Variants in ACSS3 observed in about 807,000 individuals in gnomAD.
ACSS3 encodes acyl-CoA synthetase short-chain family member 3, mitochondrial.
A neutral mutation model predicts 84.2 loss-of-function variants in ACSS3; 64 were observed. That is an observed-to-expected ratio of 0.76 (90% CI 0.62 to 0.94). The LOEUF (loss-of-function observed/expected upper bound fraction) is 0.94, where lower values mean the gene tolerates loss of function less well. Among genes scored for constraint, ACSS3 ranks in the 40% least tolerant of loss-of-function variants. ACSS3 has a pLI of 0.00. For synonymous variants in ACSS3, 317 were observed against 310.1 expected, an observed-to-expected ratio of 1.02 and a Z score of -0.23; for missense variants, 815 against 867.6, an observed-to-expected ratio of 0.94 and a Z score of 0.76.
At chr12:81,165,109 A>AT (rs979390170) in intron 7 of ACSS3, among the ~76,000 whole-genome samples, 2 of 152,136 alleles carry the variant, frequency 1.3e-5, no homozygotes, top group African/African-American at 4.8e-5. Flanking sequence ...CATCTTTTAG[A>AT]TTTTTCCCAT....
intron 2 of ACSS3, among the ~76,000 whole-genome samples, chr12:81,128,149 A>G (rs1167045043): frequency 6.6e-6 from 1 of 151,584 alleles, no homozygotes; most frequent in East Asian, 1.9e-4. Flanking sequence ...CAGTTGTTGC[A>G]TTTTCTTTAC....
chr12:81,188,824 G>A (rs1030781178), intron 8 of ACSS3, among the ~76,000 whole-genome samples: 11 of 151,812 alleles, frequency 7.2e-5, no homozygotes, highest in Middle Eastern at 3.2e-3. Context: ...CATTTACTCC[G>A]TACAACATGA....
At chr12:81,251,361 T>C (rs969807136) in intron 13 of ACSS3, among the ~76,000 whole-genome samples, 7 of 152,174 alleles carry the variant, frequency 4.6e-5, no homozygotes, top group African/African-American at 1.7e-4. Flanking sequence ...AATGTAGTAA[T>C]GTAAACTATG....
chr12:81,213,552 C>A (rs563712274), intron 9 of ACSS3, among the ~76,000 whole-genome samples: 8 of 142,410 alleles, frequency 5.6e-5, no homozygotes, highest in Non-Finnish European at 1.2e-4. Flanking sequence ...AGCAATAGTT[C>A]TCTTTCCTCC....
Position 81,216,966 on chromosome 12 carries a change from C to T in ACSS3, c.1420C>T (p.Gln474Ter), listed in dbSNP as rs1053470780. The part of the protein sequence containing the change: ...LGNSKTPPPG[Q>*]AGKSVPGYNV... ...CAATTCTAAAACACCTCCACCAGGGCAAGCAGGAAAAAGCGTCCCAGGATA... is the reference window on the plus strand; with the variant it reads ...CAATTCTAAAACACCTCCACCAGGGTAAGCAGGAAAAAGCGTCCCAGGATA... Residue 474 changes from glutamine to a stop codon, truncating the protein, a stop_gained, in exon 10 of 16, where the codon CAA becomes TAA. Transcript: ENST00000548058. LOFTEE classifies it high-confidence loss of function. 1.2e-6 allele frequency: 2 copies of T among 1,611,104 alleles called. No homozygotes were observed. Among genetic ancestry groups the T allele is most frequent in the Non-Finnish European group, 8.5e-7 (1 of 1,177,956 alleles).
intron 9 of ACSS3, among the ~76,000 whole-genome samples, chr12:81,203,370 C>A (rs976859651): frequency 1.3e-5 from 2 of 152,140 alleles, no homozygotes; most frequent in Non-Finnish European, 2.9e-5. Context: ...ACAGACACAA[C>A]CAAACATAAT....
intron 7 of ACSS3, among the ~76,000 whole-genome samples, chr12:81,163,891 C>CA (rs1181419391): frequency 5.9e-5 from 9 of 152,098 alleles, no homozygotes; most frequent in Admixed American, 2.0e-4. Context: ...TATTACAAGT[C>CA]AAAAATTTAA....
intron 11 of ACSS3, among the ~76,000 whole-genome samples, chr12:81,223,168 TTTC>T (rs2033164706): frequency 6.6e-6 from 1 of 152,072 alleles, no homozygotes; most frequent in South Asian, 2.1e-4. Flanking sequence ...TCTCTGGCTC[TTTC>T]TCTCTGATGG....
chr12:81,145,146 G>C lies in ACSS3; in HGVS notation c.921+1899G>C, dbSNP rs548654536. Among the ~76,000 whole-genome samples, 789 of 139,992 alleles carry C rather than the reference G, an allele frequency of 5.6e-3. 9 individuals carry two copies. The highest frequency in any genetic ancestry group is 0.019 in the Middle Eastern group (5 of 258). 91.8% of individuals were successfully genotyped at this position (139,992 alleles called of 152,430 possible). A position where few individuals can be genotyped will look rare whatever the true frequency, so the allele number is the denominator to read the frequency against. Reference sequence around the variant, plus strand: ...TTAGCCAGGATGGTCCTAATCTCCTGACCTCGTGATCCACCCGCCTCGGCC... The same window carrying C: ...TTAGCCAGGATGGTCCTAATCTCCTCACCTCGTGATCCACCCGCCTCGGCC... On this transcript the variant is annotated intron_variant, in intron 5 of 15. Transcript: ENST00000548058.
intron 1 of ACSS3, among the ~76,000 whole-genome samples, chr12:81,106,281 G>A (rs970891874): frequency 6.6e-6 from 1 of 152,128 alleles, no homozygotes; most frequent in Non-Finnish European, 1.5e-5. Context: ...AAGCCATATT[G>A]TGAACTGCAC....
chr12:81,143,154 G>A lies in ACSS3; in HGVS notation c.828G>A (p.Glu276=), dbSNP rs1886175086. The A allele has an allele frequency of 6.2e-7, 1 of 1,613,778 alleles. No homozygotes were observed. Among genetic ancestry groups the A allele is most frequent in the Non-Finnish European group, 8.5e-7 (1 of 1,179,740 alleles). Residue 276 remains glutamate (E), a synonymous_variant, in exon 5 of 16, where the codon GAG becomes GAA. Coordinates refer to ENST00000548058, the MANE Select transcript of ACSS3 (RefSeq NM_024560.4). ...APGRDLDWDE[E]MAKAQSHDCV... ...GTCGTGACCTTGATTGGGATGAAGA[G>A]ATGGCAAAAGCCCAGTCACATGACT...
At chr12:81,128,595 G>A (rs561773193) in intron 2 of ACSS3, among the ~76,000 whole-genome samples, 1 of 152,246 alleles carries the variant, frequency 6.6e-6, no homozygotes, top group South Asian at 2.1e-4. Flanking sequence ...ACAAATTTAA[G>A]AAGGTGCAAA....
In ACSS3 at chr12:81,257,883, A is replaced by C; in HGVS notation, c.*2961A>C. The C allele has an allele frequency of 6.6e-6, 1 of 152,150 alleles. No homozygotes were observed. The highest frequency in any genetic ancestry group is 6.6e-5 in the Admixed American group (1 of 15,256). The allele number at this position is 152,150 out of a possible 1,614,324, so 9.4% of individuals were successfully genotyped here. A position where few individuals can be genotyped will look rare whatever the true frequency, so the allele number is the denominator to read the frequency against. Reference sequence around the variant, plus strand: ...TGGATCTTTTGCATCACTATATGTTAGTGTCTATTATAGATGATTAATCTT... The same window carrying C: ...TGGATCTTTTGCATCACTATATGTTCGTGTCTATTATAGATGATTAATCTT... On this transcript the variant is annotated 3_prime_UTR_variant, in exon 16 of 16. Transcript: ENST00000548058.
chr12:81,098,264 G>A lies in ACSS3; in HGVS notation c.312-11296G>A, dbSNP rs780487675. Among the ~76,000 whole-genome samples the A allele has an allele frequency of 4.0e-5, 6 of 151,866 alleles. No homozygotes were observed. In the East Asian group the frequency reaches 7.8e-4, roughly 20 times the overall value. Reference sequence around the variant, plus strand: ...TGAGTTGCTGAGATAGGCTCCAGCCGCCCACAACCCTGAGCTGAATAATTG... The same window carrying A: ...TGAGTTGCTGAGATAGGCTCCAGCCACCCACAACCCTGAGCTGAATAATTG... On this transcript the variant is annotated intron_variant, in intron 1 of 15. Transcript: ENST00000548058.
intron 1 of ACSS3, among the ~76,000 whole-genome samples, chr12:81,087,013 A>G (rs1881363727): frequency 6.6e-6 from 1 of 152,148 alleles, no homozygotes. Flanking sequence ...TGAGGTAAGG[A>G]ACAGTGCATA....
At chr12:81,100,600 C>T (rs12315512) in intron 1 of ACSS3, among the ~76,000 whole-genome samples, 61,435 of 152,126 alleles carry the variant, frequency 0.4, 14,059 homozygotes, top group Non-Finnish European at 0.53. Flanking sequence ...TCTTAAGAAT[C>T]TTATATCAGT....
intron 2 of ACSS3, among the ~76,000 whole-genome samples, chr12:81,122,525 A>T (rs560042936): frequency 6.6e-6 from 1 of 152,310 alleles, no homozygotes; most frequent in East Asian, 1.9e-4. Context: ...ATAAACAAAT[A>T]TGTGAGGCAA....
At chr12:81,219,657 GA>G (rs965494719) in intron 10 of ACSS3, among the ~76,000 whole-genome samples, 9 of 151,992 alleles carry the variant, frequency 5.9e-5, no homozygotes, top group African/African-American at 2.2e-4. Context: ...TGGTGTGTTT[GA>G]AAACTTCATT....
chr12:81,182,846 T>C (rs1047063197), intron 8 of ACSS3, among the ~76,000 whole-genome samples: 16 of 152,298 alleles, frequency 1.1e-4, no homozygotes, highest in Non-Finnish European at 1.8e-4. Context: ...CTTTCCACTT[T>C]ATCCAACCAT....
Sources: gnomAD v4.1 joint callset for allele counts (sites outside exome capture counted in the v4.1 genomes callset) on GRCh38, gnomAD v4.1.1 for gene constraint, MANE v1.5 for transcripts, NCBI Gene and HGNC (gene_info 2026-07-23, HGNC 2026-07-21) for gene names.